ARSG: variants seen among roughly 807,000 people sequenced by gnomAD.
ARSG encodes ASG.
ARSG carries 37 observed loss-of-function variants against 50.5 expected under a neutral mutation model. The ratio of observed to expected loss-of-function variants is 0.73; its 90% CI spans 0.56 to 0.96. The LOEUF is 0.96. ARSG is among the 50% of genes least tolerant of loss of function. ARSG has a pLI of 0.00. For synonymous variants in ARSG, 225 were observed against 254.6 expected (o/e 0.88, Z 1.11); for missense variants, 629 against 675.3 (o/e 0.93, Z 0.76).
intron 11 of ARSG, among the ~76,000 whole-genome samples, chr17:68,416,225 G>C (rs746344658): frequency 1.3e-5 from 2 of 152,186 alleles, no homozygotes; most frequent in Non-Finnish European, 2.9e-5. Context: ...GTGGTGACTT[G>C]GTAGTGGTGA....
At chr17:68,416,914 T>C (rs544956757) in intron 11 of ARSG, among the ~76,000 whole-genome samples, 2 of 152,352 alleles carry the variant, frequency 1.3e-5, no homozygotes, top group Admixed American at 1.3e-4. Flanking sequence ...GGCTTCACCT[T>C]TCTCTGGTGC....
chr17:68,346,781 G>A (rs1357778188), intron 3 of ARSG: 1 of 1,307,626 alleles, frequency 7.6e-7, no homozygotes, highest in Admixed American at 2.3e-5. Flanking sequence ...CAGGGCCCCA[G>A]CGCGGGAGGG....
chr17:68,376,891 GC>G (rs2080177403), intron 8 of ARSG, among the ~76,000 whole-genome samples: 1 of 147,066 alleles, frequency 6.8e-6, no homozygotes, highest in South Asian at 2.1e-4. Context: ...ACAAAGTCTT[GC>G]TCTGTCGCCC....
rs111385660 is a variant in ARSG at position 68,395,068 on chromosome 17, C to T, written c.1092-5C>T. 6,460 of 1,613,664 alleles carry T rather than the reference C, an allele frequency of 4.0e-3. 22 individuals are homozygous for T. Among genetic ancestry groups the T allele is most frequent in the African/African-American group, 0.011 (799 of 75,032 alleles). ...GGGGACAACTCAGTCTTGTTATTTCCGCAGCGTGCTGGACATTTTTCCAAC... is the reference window on the plus strand; with the variant it reads ...GGGGACAACTCAGTCTTGTTATTTCTGCAGCGTGCTGGACATTTTTCCAAC... On this transcript the variant is annotated splice_polypyrimidine_tract_variant and splice_region_variant and intron_variant, in intron 9 of 11. Transcript: ENST00000621439.
intron 1 of ARSG, among the ~76,000 whole-genome samples, chr17:68,263,090 A>G (rs1251958478): frequency 7.9e-5 from 12 of 152,224 alleles, no homozygotes; most frequent in Non-Finnish European, 1.8e-4. Flanking sequence ...TATTTGGTGA[A>G]ATGTTCTGGG....
the ARSG span, chr17:68,451,011 G>T: frequency 7.2e-7 from 1 of 1,384,404 alleles, no homozygotes. Flanking sequence ...TCCGGGTCTT[G>T]CCGGCCAGGC....
At chr17:68,343,387 C>G (rs376479910) in intron 2 of ARSG, among the ~76,000 whole-genome samples, 4 of 152,298 alleles carry the variant, frequency 2.6e-5, no homozygotes, top group African/African-American at 7.2e-5. Flanking sequence ...GAACTCCTGA[C>G]CTCAGGTGAT....
intron 4 of ARSG, among the ~76,000 whole-genome samples, chr17:68,350,811 T>C (rs1226179090): frequency 6.8e-6 from 1 of 147,048 alleles, no homozygotes; most frequent in Admixed American, 6.8e-5. Flanking sequence ...TAAAATAAAA[T>C]AAATAAATAC....
At chr17:68,376,844 G>A (rs559799349) in intron 8 of ARSG, among the ~76,000 whole-genome samples, 1 of 149,798 alleles carries the variant, frequency 6.7e-6, no homozygotes, top group South Asian at 2.1e-4. Context: ...CGCCAAAGTT[G>A]GAAAAGACCT....
chr17:68,279,567 G>A (rs1167655217), intron 1 of ARSG, among the ~76,000 whole-genome samples: 1 of 152,114 alleles, frequency 6.6e-6, no homozygotes, highest in Non-Finnish European at 1.5e-5. Context: ...TATTATACAA[G>A]CCTGTAGGGC....
intron 4 of ARSG, among the ~76,000 whole-genome samples, chr17:68,351,314 A>G (rs533722331): frequency 6.6e-6 from 1 of 152,250 alleles, no homozygotes; most frequent in East Asian, 1.9e-4. Flanking sequence ...TTAGGCATTC[A>G]ATAATTCTCT....
intron 5 of ARSG, among the ~76,000 whole-genome samples, chr17:68,353,600 T>C (rs750870398): frequency 2.0e-5 from 3 of 152,222 alleles, no homozygotes; most frequent in Admixed American, 6.5e-5. Flanking sequence ...CCTGCTGCCC[T>C]TCTTACCCAC....
chr17:68,414,846 T>C (rs1271368337), intron 11 of ARSG, among the ~76,000 whole-genome samples: 1 of 152,194 alleles, frequency 6.6e-6, no homozygotes, highest in Non-Finnish European at 1.5e-5. Flanking sequence ...CCTTGAATGA[T>C]CTTTTGTATT....
intron 2 of ARSG, among the ~76,000 whole-genome samples, chr17:68,316,494 G>C (rs553894562): frequency 1.3e-5 from 2 of 152,278 alleles, no homozygotes; most frequent in South Asian, 2.1e-4. Context: ...AATTGTTCAC[G>C]TACTTGGATT....
In ARSG at chr17:68,379,556, G is replaced by C. The variant is rs374296633; in HGVS notation, c.983-5508G>C. Among the ~76,000 whole-genome samples the C allele has an allele frequency of 1.3e-4, 20 of 148,264 alleles. No individual in the cohort carries two copies. The East Asian group carries it at 3.1e-3, about 23-fold the overall frequency. ...GCCTCCCAGAGTGCTGGTGTTACAAGTGCGAGCCACTGCACTGGGCTGAAA... is the reference window on the plus strand; with the variant it reads ...GCCTCCCAGAGTGCTGGTGTTACAACTGCGAGCCACTGCACTGGGCTGAAA... On this transcript the variant is annotated intron_variant, in intron 8 of 11. Coordinates refer to ENST00000621439, the MANE Select transcript of ARSG (RefSeq NM_001267727.2).
At chr17:68,370,267 C>T (rs183362874) in intron 7 of ARSG, among the ~76,000 whole-genome samples, 177 bp from the exon 8 acceptor site, 11 of 152,132 alleles carry the variant, frequency 7.2e-5, no homozygotes, top group East Asian at 1.9e-4. Context: ...TGCTTGCCTC[C>T]GCCTCCCAAA....
rs1274059734 is a variant in ARSG at position 68,343,796 on chromosome 17, C to T, written c.406+5C>T. Reference sequence around the variant, plus strand: ...GTTACGTCACTGGGATAATAGGTAACTCTGGGCCCCGTCTGCCTGTTGCAT... The same window carrying T: ...GTTACGTCACTGGGATAATAGGTAATTCTGGGCCCCGTCTGCCTGTTGCAT... On this transcript the variant is annotated splice_donor_5th_base_variant and intron_variant, in intron 3 of 11. Coordinates refer to ENST00000621439, the MANE Select transcript of ARSG (RefSeq NM_001267727.2). The T allele has an allele frequency of 3.1e-6, 5 of 1,601,624 alleles. No individual in the cohort carries two copies. In the East Asian group the frequency reaches 9.0e-5, roughly 29 times the overall value.
chr17:68,349,828 G>A, intron 4 of ARSG, among the ~76,000 whole-genome samples: 1 of 152,180 alleles, frequency 6.6e-6, no homozygotes, highest in Non-Finnish European at 1.5e-5. Flanking sequence ...GGTTGCATGA[G>A]CTGAGATCGT....
upstream of ARSG, among the ~76,000 whole-genome samples, chr17:68,289,494 C>T (rs1225539943): frequency 6.6e-6 from 1 of 152,172 alleles, no homozygotes; most frequent in Non-Finnish European, 1.5e-5. Context: ...AATGGGGTGG[C>T]TACTGTTGTA....
Sources: allele counts gnomAD v4.1 joint callset (sites outside exome capture counted in the v4.1 genomes callset), GRCh38; gene constraint gnomAD v4.1.1; transcripts MANE v1.5; gene names NCBI Gene and HGNC (gene_info 2026-07-23, HGNC 2026-07-21).